The following PPM1H variants were observed in gnomAD, a reference collection of about 807,000 sequenced individuals.
PPM1H encodes protein phosphatase, Mg2+/Mn2+ dependent 1H.
In PPM1H, 27 loss-of-function variants were observed where a neutral mutation model predicts 54.9. The ratio of observed to expected loss-of-function variants is 0.49; its 90% confidence interval spans 0.36 to 0.68. PPM1H has a LOEUF of 0.68. Ranked by LOEUF, PPM1H falls within the 30% of genes least tolerant of loss-of-function variation. The probability of loss-of-function intolerance (pLI) is 0.00; values close to 1 mark genes in which losing one functional copy is unlikely to be tolerated. For synonymous variants in PPM1H, 305 were observed against 270.8 expected, an observed-to-expected ratio of 1.13 and a Z score of -1.24; for missense variants, 596 against 667.8, an observed-to-expected ratio of 0.89 and a Z score of 1.19.
At chr12:62,732,226 C>T (rs2076325366) in intron 5 of PPM1H, among the ~76,000 whole-genome samples, 1 of 152,180 alleles carries the variant, frequency 6.6e-6, no homozygotes, top group African/African-American at 2.4e-5. Flanking sequence ...CTCAATTAAT[C>T]ACCCTGCCTG....
intron 2 of PPM1H, among the ~76,000 whole-genome samples, chr12:62,822,543 C>G (rs955189839): frequency 6.6e-6 from 1 of 152,226 alleles, no homozygotes; most frequent in Non-Finnish European, 1.5e-5. Flanking sequence ...AACAAACTGT[C>G]TCTCAGACCA....
chr12:62,755,688 C>A, intron 4 of PPM1H: 1 of 671,270 alleles, frequency 1.5e-6, no homozygotes, highest in Non-Finnish European at 2.7e-6. Flanking sequence ...GTATCACCAA[C>A]TGCTTAGTGC....
At chr12:62,812,476 C>T (rs1452211253) in intron 2 of PPM1H, among the ~76,000 whole-genome samples, 1 of 152,198 alleles carries the variant, frequency 6.6e-6, no homozygotes, top group Non-Finnish European at 1.5e-5. Flanking sequence ...GCAGAAATCA[C>T]TTCTGACTCA....
chr12:62,764,952 A>G (rs2076532673), intron 4 of PPM1H, among the ~76,000 whole-genome samples: 1 of 152,222 alleles, frequency 6.6e-6, no homozygotes, highest in South Asian at 2.1e-4. Flanking sequence ...TTAGTTAGGA[A>G]GAGGACAGGC....
rs140074140 is a variant in PPM1H, at chr12:62,750,328, T to C, written c.870-12742A>G. On this transcript the variant is annotated intron_variant, in intron 4 of 9. Coordinates refer to ENST00000228705, the MANE Select transcript of PPM1H (RefSeq NM_020700.2). ...TGCAAATACTAATCTACTTTGTCTCTATGGATTAATCTATTCTGGACATTT... is the reference window on the plus strand; with the variant it reads ...TGCAAATACTAATCTACTTTGTCTCCATGGATTAATCTATTCTGGACATTT... 7.2e-4 allele frequency among the ~76,000 whole-genome samples: 110 copies of C among 152,372 alleles called. 1 individual carries two copies. Among genetic ancestry groups the C allele is most frequent in the South Asian group, 3.7e-3 (18 of 4,832 alleles).
intron 1 of PPM1H, among the ~76,000 whole-genome samples, chr12:62,918,005 A>G (rs908566219): frequency 2.6e-5 from 4 of 152,232 alleles, no homozygotes; most frequent in Admixed American, 1.3e-4. Flanking sequence ...GTTAATTTGT[A>G]ATGTATACAA....
intron 1 of PPM1H, among the ~76,000 whole-genome samples, chr12:62,929,574 G>A (rs1043274694): frequency 3.9e-5 from 6 of 152,246 alleles, no homozygotes; most frequent in Admixed American, 1.3e-4. Context: ...GCAGAGATGC[G>A]GATGTCTACC....
chr12:62,771,439 T>C (rs182953663), intron 4 of PPM1H, among the ~76,000 whole-genome samples: 16 of 152,136 alleles, frequency 1.1e-4, no homozygotes, highest in African/African-American at 3.9e-4. Context: ...GGCAGCAATA[T>C]TGGCTAAGAT....
intron 1 of PPM1H, among the ~76,000 whole-genome samples, chr12:62,835,416 G>A (rs1868473399): frequency 6.6e-6 from 1 of 152,216 alleles, no homozygotes; most frequent in Non-Finnish European, 1.5e-5. Context: ...TTCTGCTTCA[G>A]CTCTTGGGTT....
chr12:62,688,720 G>T (rs530224761), intron 8 of PPM1H, among the ~76,000 whole-genome samples: 1 of 152,276 alleles, frequency 6.6e-6, no homozygotes, highest in East Asian at 1.9e-4. Flanking sequence ...ATCAGGCCAG[G>T]TGTGGTAGCT....
intron 6 of PPM1H, among the ~76,000 whole-genome samples, chr12:62,716,514 A>G (rs1453880638): frequency 6.6e-6 from 1 of 152,234 alleles, no homozygotes; most frequent in Non-Finnish European, 1.5e-5. Flanking sequence ...AGGATTAAAC[A>G]GCTTTGCAGT....
intron 1 of PPM1H, among the ~76,000 whole-genome samples, chr12:62,911,373 T>C (rs1007094120): frequency 1.3e-5 from 2 of 152,240 alleles, no homozygotes; most frequent in East Asian, 3.8e-4. Flanking sequence ...CATTTTTAAA[T>C]TAAAGGTAGA....
intron 1 of PPM1H, among the ~76,000 whole-genome samples, chr12:62,888,464 G>T (rs971758204): frequency 6.6e-6 from 1 of 152,050 alleles, no homozygotes; most frequent in East Asian, 1.9e-4. Context: ...AACAAGCCCT[G>T]GTTGTTCAGA....
chr12:62,823,051 G>A (rs1021705236), intron 2 of PPM1H, among the ~76,000 whole-genome samples: 10 of 152,104 alleles, frequency 6.6e-5, no homozygotes, highest in Non-Finnish European at 1.5e-4. Context: ...AATAAAAAAT[G>A]ATAAAGGGGA....
intron 5 of PPM1H, among the ~76,000 whole-genome samples, chr12:62,734,867 A>AC (rs1002909364): frequency 2.6e-5 from 4 of 151,582 alleles, no homozygotes; most frequent in South Asian, 2.1e-4. Flanking sequence ...AGACAGTGAG[A>AC]CCCCCCCATC....
Position 62,644,624 on chromosome 12 carries a change from CAA to C in PPM1H, c.*3863_*3864del, listed in dbSNP as rs2075774988. ...AAAGCCACAGTGCTCACAGAAGAGG[CAA>C]GTCAGTCTGCTCGCGTAGCGTCCTT... On this transcript the variant is annotated 3_prime_UTR_variant, in exon 10 of 10. Transcript: ENST00000228705. 1 of 152,242 alleles carries C rather than the reference CAA, an allele frequency of 6.6e-6. No individual in the cohort carries two copies. The highest frequency in any genetic ancestry group is 2.1e-4 in the South Asian group (1 of 4,830). The allele number at this position is 152,242 out of a possible 1,614,324, so 9.4% of individuals were successfully genotyped here.
At chr12:62,701,419 T>C (rs929381721) in intron 6 of PPM1H, among the ~76,000 whole-genome samples, 4 of 152,194 alleles carry the variant, frequency 2.6e-5, no homozygotes, top group Non-Finnish European at 4.4e-5. Flanking sequence ...ACCATAAACA[T>C]ACTTTGTCTT....
chr12:62,743,391 A>G (rs760954131), intron 4 of PPM1H, among the ~76,000 whole-genome samples: 50 of 152,226 alleles, frequency 3.3e-4, no homozygotes, highest in African/African-American at 7.9e-4. Flanking sequence ...CCTGCCCCAA[A>G]TATTAGCTAC....
At chr12:62,715,897 C>CCAT (rs2076232028) in intron 6 of PPM1H, among the ~76,000 whole-genome samples, 1 of 152,180 alleles carries the variant, frequency 6.6e-6, no homozygotes, top group Non-Finnish European at 1.5e-5. Flanking sequence ...ATGCTTCATT[C>CCAT]CATCCTCTTG....
Sources: allele counts gnomAD v4.1 joint callset (sites outside exome capture counted in the v4.1 genomes callset), GRCh38; gene constraint gnomAD v4.1.1; transcripts MANE v1.5; gene names NCBI Gene and HGNC (gene_info 2026-07-23, HGNC 2026-07-21).